GABBR2: variants seen among roughly 807,000 people sequenced by gnomAD.
GABBR2 encodes the protein G-protein coupled receptor 51.
GABBR2 carries 23 observed loss-of-function variants against 105.6 expected under a neutral mutation model. The observed-to-expected ratio is 0.22, with a 90% confidence interval of 0.16 to 0.31. The LOEUF (loss-of-function observed/expected upper bound fraction) is 0.31. GABBR2 is among the 10% of genes least tolerant of loss of function. GABBR2 has a pLI of 1.00. For synonymous variants in GABBR2, 478 were observed against 499.7 expected, an observed-to-expected ratio of 0.96 and a Z score of 0.58; for missense variants, 734 against 1,245.5, an observed-to-expected ratio of 0.59 and a Z score of 6.18.
At chr9:98,645,607 G>A (rs1204951708) in intron 1 of GABBR2, among the ~76,000 whole-genome samples, 3 of 152,118 alleles carry the variant, frequency 2.0e-5, no homozygotes, top group African/African-American at 7.2e-5. Context: ...CACCCCTAAG[G>A]TTCTGAATGT....
At chr9:98,594,730 A>C (rs996410109) in intron 1 of GABBR2, among the ~76,000 whole-genome samples, 36 of 152,236 alleles carry the variant, frequency 2.4e-4, no homozygotes, top group African/African-American at 8.7e-4. Flanking sequence ...CAGAGGTGAA[A>C]GTCAAAGTCC....
intron 10 of GABBR2, among the ~76,000 whole-genome samples, chr9:98,387,784 A>T (rs1196998871): frequency 4.7e-5 from 7 of 150,258 alleles, no homozygotes; most frequent in Non-Finnish European, 7.4e-5. Flanking sequence ...AAAATAAAAT[A>T]AATTAATTAA....
chr9:98,589,233 C>A (rs1198791098), intron 1 of GABBR2, among the ~76,000 whole-genome samples: 1 of 152,178 alleles, frequency 6.6e-6, no homozygotes, highest in Non-Finnish European at 1.5e-5. Context: ...CTTCCCCACA[C>A]CCTTTACTGA....
intron 7 of GABBR2, among the ~76,000 whole-genome samples, chr9:98,440,212 T>TG (rs58879405): frequency 2.0e-5 from 3 of 151,376 alleles, no homozygotes; most frequent in African/African-American, 7.3e-5. Context: ...CTTCTTGCTC[T>TG]TGTTCTGTCC....
At position 98,669,696 on chromosome 9, in the gene GABBR2, A is replaced by C. The variant is rs190154680; in HGVS notation, c.321+38721T>G. Reference sequence around the variant, plus strand: ...AGGAAAATGGCAGAACATTAATACCATAAGTCTTAAGACCTAGGATGTTAT... The same window carrying C: ...AGGAAAATGGCAGAACATTAATACCCTAAGTCTTAAGACCTAGGATGTTAT... On this transcript the variant is annotated intron_variant, in intron 1 of 18. Coordinates refer to ENST00000259455, the MANE Select transcript of GABBR2 (RefSeq NM_005458.8). Among the ~76,000 whole-genome samples the C allele has an allele frequency of 2.7e-3, 413 of 152,236 alleles. 2 individuals carry two copies. Among genetic ancestry groups the C allele is most frequent in the Admixed American group, 5.0e-3 (76 of 15,286 alleles).
chr9:98,431,688 T>TTTTTG lies in GABBR2; in HGVS notation c.1236+22288_1236+22292dup, dbSNP rs1056715666. Among the ~76,000 whole-genome samples the TTTTTG allele has an allele frequency of 7.9e-5, 12 of 151,780 alleles. No homozygotes were observed. The South Asian group carries it at 8.4e-4, about 11-fold the overall frequency. ...AGCCATGGAAGGTTTTGTCTGTTTT[T>TTTTTG]TTTTGTTTTGTTTTGTTTTGTTTTT... On this transcript the variant is annotated intron_variant, in intron 7 of 18. Transcript: ENST00000259455.
At chr9:98,673,104 C>A (rs1029247115) in intron 1 of GABBR2, among the ~76,000 whole-genome samples, 1 of 152,180 alleles carries the variant, frequency 6.6e-6, no homozygotes. Flanking sequence ...CCCATGTACA[C>A]GGAGATGGTG....
At chr9:98,554,129 C>A (rs1828540268) in intron 2 of GABBR2, among the ~76,000 whole-genome samples, 1 of 152,142 alleles carries the variant, frequency 6.6e-6, no homozygotes, top group Non-Finnish European at 1.5e-5. Flanking sequence ...GACGTCCTCG[C>A]TCCAATTTTC....
chr9:98,463,013 C>G (rs1826452382), intron 6 of GABBR2, among the ~76,000 whole-genome samples: 1 of 152,178 alleles, frequency 6.6e-6, no homozygotes, highest in South Asian at 2.1e-4. Flanking sequence ...CTCAGCCTCC[C>G]AAGTAGCTGA....
chr9:98,492,355 A>T (rs1464067486), intron 4 of GABBR2, among the ~76,000 whole-genome samples: 1 of 128,184 alleles, frequency 7.8e-6, no homozygotes, highest in Non-Finnish European at 1.6e-5. Flanking sequence ...CTAGTAAAAA[A>T]AAAAAAAAAA....
chr9:98,681,779 A>C (rs192199836), intron 1 of GABBR2, among the ~76,000 whole-genome samples: 3 of 152,298 alleles, frequency 2.0e-5, no homozygotes, highest in Admixed American at 2.0e-4. Flanking sequence ...AAAAGAGTTA[A>C]ATATTTAAAA....
At chr9:98,422,837 C>T (rs538937769) in intron 7 of GABBR2, among the ~76,000 whole-genome samples, 1 of 150,452 alleles carries the variant, frequency 6.6e-6, no homozygotes, top group East Asian at 2.0e-4. Flanking sequence ...GTTCAATTCC[C>T]ATCTATGAGT....
intron 3 of GABBR2, among the ~76,000 whole-genome samples, chr9:98,520,800 T>C (rs970071250): frequency 1.3e-5 from 2 of 152,148 alleles, no homozygotes; most frequent in African/African-American, 4.8e-5. Flanking sequence ...GGACGCCAGA[T>C]GATGAGTCCC....
chr9:98,372,297 A>C (rs1831798942), intron 11 of GABBR2, among the ~76,000 whole-genome samples: 1 of 151,852 alleles, frequency 6.6e-6, no homozygotes, highest in African/African-American at 2.4e-5. Flanking sequence ...CCCAACCCTC[A>C]CCATTTAGAC....
intron 3 of GABBR2, among the ~76,000 whole-genome samples, chr9:98,497,558 T>C (rs1827306845): frequency 6.6e-6 from 1 of 152,130 alleles, no homozygotes; most frequent in Non-Finnish European, 1.5e-5. Context: ...AGAACTAGGC[T>C]GGGGTTAGGG....
In GABBR2 at chr9:98,321,394, G is replaced by T. The variant is rs1830820002; in HGVS notation, c.1894-10189C>A. On this transcript the variant is annotated intron_variant, in intron 13 of 18. Transcript: ENST00000259455. ...TCCCAGGCCTGGTTGCTGGGCTCTT[G>T]CCTGTACCCCACCCTCAGCAGGATG... is the stretch of plus-strand genomic sequence containing the variant. Among the ~76,000 whole-genome samples, 4 of 152,296 alleles carry T rather than the reference G, an allele frequency of 2.6e-5. No homozygotes were observed. In the South Asian group the frequency reaches 8.3e-4, roughly 32 times the overall value.
intron 7 of GABBR2, among the ~76,000 whole-genome samples, chr9:98,417,814 C>T (rs1360142617): frequency 3.3e-5 from 5 of 152,160 alleles, no homozygotes; most frequent in Admixed American, 3.3e-4. Flanking sequence ...AAAGGAAGGG[C>T]ACCTCTCTTT....
chr9:98,613,579 G>C (rs1829539348), intron 1 of GABBR2, among the ~76,000 whole-genome samples: 1 of 152,188 alleles, frequency 6.6e-6, no homozygotes, highest in African/African-American at 2.4e-5. Flanking sequence ...AGAGTTACCA[G>C]AAAAAGACAG....
chr9:98,490,144 G>A (rs117805878), intron 4 of GABBR2, among the ~76,000 whole-genome samples: 2 of 152,314 alleles, frequency 1.3e-5, no homozygotes, highest in Non-Finnish European at 2.9e-5. Flanking sequence ...AGTTCTGGAA[G>A]TGGATAATGG....
Sources: gnomAD v4.1 joint callset for allele counts (sites outside exome capture counted in the v4.1 genomes callset) on GRCh38, gnomAD v4.1.1 for gene constraint, MANE v1.5 for transcripts, NCBI Gene and HGNC (gene_info 2026-07-23, HGNC 2026-07-21) for gene names.